The following UPP2 variants were observed in gnomAD, a reference collection of about 807,000 sequenced individuals.
UPP2 encodes UPase 2.
In UPP2, 23 loss-of-function variants were observed where a neutral mutation model predicts 26.7. The observed-to-expected ratio is 0.86, with a 90% CI of 0.62 to 1.22. The LOEUF (loss-of-function observed/expected upper bound fraction) is 1.22, where lower values mean the gene tolerates loss of function less well. Ranked by LOEUF, UPP2 falls within the 50% of genes most tolerant of loss-of-function variation. UPP2 has a pLI of 0.00. For missense variants in UPP2, 387 were observed against 396.7 expected (o/e 0.98, Z 0.21); for synonymous variants, 127 against 141.3 (o/e 0.90, Z 0.72).
chr2:158,055,427 C>T (rs148315712), intron 3 of UPP2, among the ~76,000 whole-genome samples: 30 of 152,228 alleles, frequency 2.0e-4, no homozygotes, highest in Non-Finnish European at 3.4e-4. Flanking sequence ...GAATTTTGCA[C>T]GGGACATTCA....
At chr2:158,081,721 C>T (rs185360711) in intron 3 of UPP2, among the ~76,000 whole-genome samples, 17 of 152,110 alleles carry the variant, frequency 1.1e-4, no homozygotes, top group African/African-American at 4.1e-4. Flanking sequence ...ATAAACTTCA[C>T]ATGTTCTCAC....
At chr2:158,010,535 A>G (rs1446741497) in intron 2 of UPP2, among the ~76,000 whole-genome samples, 1 of 152,204 alleles carries the variant, frequency 6.6e-6, no homozygotes, top group Non-Finnish European at 1.5e-5. Flanking sequence ...GCATAAGTGG[A>G]ATCCTCCCTT....
At chr2:157,995,618 C>A (rs73968516) in intron 2 of UPP2, among the ~76,000 whole-genome samples, 14,424 of 151,730 alleles carry the variant, frequency 0.095, 923 homozygotes, top group East Asian at 0.19. Flanking sequence ...CCCTTTAATA[C>A]ATAATTTTTA....
intron 3 of UPP2, among the ~76,000 whole-genome samples, chr2:158,051,398 G>T (rs1476146736): frequency 6.6e-6 from 1 of 152,208 alleles, no homozygotes; most frequent in African/African-American, 2.4e-5. Flanking sequence ...TGTGCTGAGG[G>T]TATATTGAGG....
At chr2:158,088,021 G>A (rs1187493322) in intron 3 of UPP2, among the ~76,000 whole-genome samples, 1 of 152,142 alleles carries the variant, frequency 6.6e-6, no homozygotes, top group Admixed American at 6.6e-5. Context: ...TGTTTTTGGA[G>A]TCTAGATCGC....
chr2:158,022,188 G>A (rs1000829195), intron 3 of UPP2, among the ~76,000 whole-genome samples: 1 of 152,064 alleles, frequency 6.6e-6, no homozygotes, highest in African/African-American at 2.4e-5. Context: ...GGCCATGTGC[G>A]GTGGCTCATG....
intron 1 of UPP2, among the ~76,000 whole-genome samples, chr2:158,103,864 C>T (rs558184207): frequency 4.6e-5 from 7 of 152,236 alleles, no homozygotes; most frequent in African/African-American, 1.7e-4. Flanking sequence ...AAATTCTTGC[C>T]TCACAAGAGA....
At chr2:158,115,336 C>A in intron 3 of UPP2, 77 bp downstream of exon 3, 2 of 1,467,670 alleles carry the variant, frequency 1.4e-6, no homozygotes, top group Non-Finnish European at 1.8e-6. Flanking sequence ...TGTAGGAGTT[C>A]TTTTTCCCTC....
At chr2:158,125,956 T>C (rs945439752) in intron 6 of UPP2, among the ~76,000 whole-genome samples, 2 of 152,188 alleles carry the variant, frequency 1.3e-5, no homozygotes, top group African/African-American at 2.4e-5. Flanking sequence ...CATAATTTGT[T>C]AACCACTTTA....
chr2:158,013,910 G>C (rs768176814), intron 2 of UPP2, among the ~76,000 whole-genome samples: 7 of 152,196 alleles, frequency 4.6e-5, no homozygotes, highest in Non-Finnish European at 8.8e-5. Context: ...CTTCCCAAGA[G>C]ACTGTTTCTC....
At chr2:158,067,273 G>T (rs1345435037) in intron 3 of UPP2, among the ~76,000 whole-genome samples, 1 of 151,364 alleles carries the variant, frequency 6.6e-6, no homozygotes, top group East Asian at 1.9e-4. Flanking sequence ...TGTGGTTTTA[G>T]TTCTGTGGGA....
intron 2 of UPP2, among the ~76,000 whole-genome samples, chr2:158,112,889 C>T (rs746354901): frequency 9.9e-5 from 15 of 152,126 alleles, no homozygotes; most frequent in Non-Finnish European, 1.6e-4. Context: ...TTTGTAATGC[C>T]TCTGACTCCT....
At chr2:158,079,359 G>T (rs1171239428) in intron 3 of UPP2, among the ~76,000 whole-genome samples, 1 of 152,044 alleles carries the variant, frequency 6.6e-6, no homozygotes, top group African/African-American at 2.4e-5. Flanking sequence ...ATAAGAATTT[G>T]GTCCTAGATA....
Position 158,040,442 on chromosome 2 carries a change from A to C in UPP2, c.147+24556A>C, listed in dbSNP as rs553462064. Among the ~76,000 whole-genome samples, 8 of 152,358 alleles carry C rather than the reference A, an allele frequency of 5.3e-5. No individual in the cohort carries two copies. In the East Asian group the frequency reaches 1.5e-3, roughly 29 times the overall value. ...CCATTAATAAAAACAGATACCACATATGCCTTGCTATGCTAGGCTTAAATG... is the reference window on the plus strand; with the variant it reads ...CCATTAATAAAAACAGATACCACATCTGCCTTGCTATGCTAGGCTTAAATG... On this transcript the variant is annotated intron_variant, in intron 3 of 9. Coordinates refer to the UPP2 transcript ENST00000605860.
chr2:158,006,321 T>C lies in UPP2; in HGVS notation c.62-9480T>C, dbSNP rs537212177. On this transcript the variant is annotated intron_variant, in intron 2 of 9. Coordinates refer to the UPP2 transcript ENST00000605860. ...AGTCTTTACTAAGAATATAAAAAATTAGCCGGGCGTGGTGGTGGGCGCCTG... is the reference window on the plus strand; with the variant it reads ...AGTCTTTACTAAGAATATAAAAAATCAGCCGGGCGTGGTGGTGGGCGCCTG... 2.0e-5 allele frequency among the ~76,000 whole-genome samples: 3 copies of C among 152,084 alleles called. No individual in the cohort carries two copies. In the South Asian group the frequency reaches 6.2e-4, roughly 32 times the overall value.
At chr2:158,070,074 C>A (rs1682514119) in intron 3 of UPP2, among the ~76,000 whole-genome samples, 1 of 152,142 alleles carries the variant, frequency 6.6e-6, no homozygotes, top group African/African-American at 2.4e-5. Context: ...GGTGTTCTAG[C>A]TCAGCTCTAG....
chr2:158,125,269 T>C (rs1028347023), intron 6 of UPP2, among the ~76,000 whole-genome samples: 2 of 152,240 alleles, frequency 1.3e-5, no homozygotes, highest in East Asian at 1.9e-4. Flanking sequence ...TATGTGGTCA[T>C]ATTTCTAAGA....
At position 158,134,927 on chromosome 2, in the gene UPP2, T is replaced by G. The variant is rs775184908; in HGVS notation, c.*37T>G. 3 of 1,576,088 alleles carry G rather than the reference T, an allele frequency of 1.9e-6. No homozygotes were observed. In the African/African-American group the frequency reaches 4.1e-5, roughly 21 times the overall value. ...GGGCAGCCCAACCCTCCCCTGCAAGTTTGTAGCTCAAGTTGTAATGTGAAA... is the reference window on the plus strand; with the variant it reads ...GGGCAGCCCAACCCTCCCCTGCAAGGTTGTAGCTCAAGTTGTAATGTGAAA... On this transcript the variant is annotated 3_prime_UTR_variant, in exon 7 of 7. Transcript: ENST00000005756.
chr2:158,098,655 T>C (rs1683025341), upstream of UPP2, among the ~76,000 whole-genome samples: 1 of 152,190 alleles, frequency 6.6e-6, no homozygotes, highest in South Asian at 2.1e-4. Flanking sequence ...CATTCCATTT[T>C]GTACGTGTCA....
Sources: allele counts gnomAD v4.1 joint callset (sites outside exome capture counted in the v4.1 genomes callset), GRCh38; gene constraint gnomAD v4.1.1; transcripts MANE v1.5; gene names NCBI Gene and HGNC (gene_info 2026-07-23, HGNC 2026-07-21).